HPS5: variants seen among roughly 807,000 people sequenced by gnomAD.
HPS5 encodes BLOC-2 complex member HPS5.
In HPS5, 83 loss-of-function variants were observed where a neutral mutation model predicts 128.0. The observed-to-expected ratio is 0.65, with a 90% CI of 0.54 to 0.78. The LOEUF (loss-of-function observed/expected upper bound fraction) is 0.78, where lower values mean the gene tolerates loss of function less well. HPS5 is among the 30% of genes least tolerant of loss of function. The pLI, the probability that HPS5 is intolerant of heterozygous loss-of-function variation, is 0.00. For missense variants in HPS5, 1,281 were observed against 1,326.2 expected (o/e 0.97, Z 0.53); for synonymous variants, 475 against 470.2 (o/e 1.01, Z -0.13).
rs765365574 is a variant in HPS5 at position 18,287,505 on chromosome 11, G to C, written c.2717+30C>G. ...GAAACAATGCCCTGTCAAAAGAAAG[G>C]AGAGTCTGCAAATATGCTCTCCTTC... On this transcript the variant is annotated intron_variant, in intron 18 of 22. Coordinates refer to ENST00000349215, the MANE Select transcript of HPS5 (RefSeq NM_181507.2). 2.7e-5 allele frequency: 43 copies of C among 1,612,298 alleles called. No individual in the cohort carries two copies. In the Admixed American group the frequency reaches 5.8e-4, roughly 22 times the overall value.
chr11:18,314,549 A>G (rs1863391161), intron 2 of HPS5: 1 of 152,140 alleles, frequency 6.6e-6, no homozygotes, highest in South Asian at 2.1e-4. Flanking sequence ...AAATAAATAA[A>G]TAAATAAATA....
At chr11:18,293,073 G>C in intron 14 of HPS5, 97 bp from the exon 15 acceptor site, 1 of 900,392 alleles carries the variant, frequency 1.1e-6, no homozygotes, top group Admixed American at 1.7e-5. Flanking sequence ...CCAGGCTGCA[G>C]TGCAGTGACG....
chr11:18,312,046 T>A, intron 2 of HPS5, 22 bp from the exon 3 acceptor site: 1 of 1,555,120 alleles, frequency 6.4e-7, no homozygotes, highest in South Asian at 1.1e-5. Context: ...TGAAGAGAAG[T>A]GTGAGATAAT....
At chr11:18,322,146 C>A (rs4150529), upstream of HPS5, 1,140 of 152,500 alleles carry the variant, frequency 7.5e-3, 37 homozygotes, top group East Asian at 0.035. Flanking sequence ...GCACTAAGAG[C>A]GGAACGTGAA....
At chr11:18,290,966 C>T (rs1459228744) in intron 16 of HPS5, among the ~76,000 whole-genome samples, 1 of 152,206 alleles carries the variant, frequency 6.6e-6, no homozygotes, top group Non-Finnish European at 1.5e-5. Context: ...TGCCTGTGAT[C>T]CCAACACTTT....
At chr11:18,314,044 T>TA (rs1863318986) in intron 2 of HPS5, among the ~76,000 whole-genome samples, 1 of 151,508 alleles carries the variant, frequency 6.6e-6, no homozygotes, top group Non-Finnish European at 1.5e-5. Context: ...ACCCTATCTC[T>TA]AAAAAATATA....
chr11:18,315,128 T>C (rs762429753), intron 2 of HPS5, among the ~76,000 whole-genome samples: 4 of 152,200 alleles, frequency 2.6e-5, no homozygotes, highest in Non-Finnish European at 5.9e-5. Context: ...TATAACTACA[T>C]GTTATTCAAA....
At chr11:18,286,537 G>C (rs1859748326) in intron 19 of HPS5, 54 bp downstream of exon 19, 2 of 1,548,324 alleles carry the variant, frequency 1.3e-6, no homozygotes. Context: ...GTGAGATCCT[G>C]TCTCAAAAAA....
Position 18,317,792 on chromosome 11 carries a change from G to C in HPS5, c.67C>G (p.Pro23Ala). 3 of 1,613,738 alleles carry C rather than the reference G, an allele frequency of 1.9e-6. No homozygotes were observed. Among genetic ancestry groups the C allele is most frequent in the Non-Finnish European group, 2.5e-6 (3 of 1,179,798 alleles). The part of the protein sequence containing the change: ...HVLAEFESLD[P>A]LLSALRLDSS... Reference sequence around the variant, plus strand: ...TCCAGCCGCAGGGCTGAGAGTAATGGATCCAGAGATTCAAACTCTGCAAGA... The same window carrying C: ...TCCAGCCGCAGGGCTGAGAGTAATGCATCCAGAGATTCAAACTCTGCAAGA... Residue 23 changes from proline to alanine, a missense_variant, in exon 2 of 23, where the codon CCA (proline) becomes GCA (alanine). Transcript: ENST00000349215.
intron 10 of HPS5, 120 bp downstream of exon 10, chr11:18,298,672 C>T (rs1468465676): frequency 2.2e-6 from 2 of 925,270 alleles, no homozygotes; most frequent in East Asian, 4.8e-5. Context: ...GCATGTATTG[C>T]TGTATCTGTA....
intron 2 of HPS5, 121 bp from the exon 3 acceptor site, chr11:18,312,145 C>A: frequency 1.3e-6 from 1 of 744,862 alleles, no homozygotes; most frequent in East Asian, 2.6e-5. Flanking sequence ...ACCCTCTGCC[C>A]ATATGGACAC....
At chr11:18,298,209 A>G (rs1466243267) in intron 10 of HPS5, among the ~76,000 whole-genome samples, 1 of 152,154 alleles carries the variant, frequency 6.6e-6, no homozygotes, top group South Asian at 2.1e-4. Flanking sequence ...TTAAGAATTT[A>G]AGGCCATGTG....
Position 18,298,890 on chromosome 11 carries a change from A to T in HPS5, c.1066T>A (p.Ser356Thr). 1 of 1,614,122 alleles carries T rather than the reference A, an allele frequency of 6.2e-7. No homozygotes were observed. Among genetic ancestry groups the T allele is most frequent in the South Asian group, 1.1e-5 (1 of 91,086 alleles). The change falls in exon 10 of 23, where the codon TCT becomes ACT. Residue 356 changes from serine to threonine, a missense_variant. Transcript: ENST00000349215. ...NGKVSHLSLI[S>T]VERCVERLLR... ...AGGCGTTCCACACAGCGCTCCACAG[A>T]TATCAGGGAGAGATGTGAGACTTTC... is the stretch of plus-strand genomic sequence containing the variant.
In HPS5 at chr11:18,281,940, C is replaced by T. The variant is rs1193181830; in HGVS notation, c.3329+10G>A. 2 of 1,614,190 alleles carry T rather than the reference C, an allele frequency of 1.2e-6. No individual in the cohort carries two copies. Among genetic ancestry groups the T allele is most frequent in the Admixed American group, 3.3e-5 (2 of 60,016 alleles). ...AGCACTATGCAGAGGGTAGGACAAA[C>T]TGATATTACCTCTGCCTTTTCTCAG... is the stretch of plus-strand genomic sequence containing the variant. On this transcript the variant is annotated intron_variant, in intron 22 of 22. Transcript: ENST00000349215.
chr11:18,291,618 T>C lies in HPS5; in HGVS notation c.2264A>G (p.Lys755Arg), dbSNP rs199752136. 2.0e-5 allele frequency: 33 copies of C among 1,614,208 alleles called. No homozygotes were observed. The highest frequency in any genetic ancestry group is 2.7e-5 in the African/African-American group (2 of 75,060). ...LELNVLNSKI[K>R]STSGHVDHTL... Reference sequence around the variant, plus strand: ...GTGGTCCACATGTCCACTGGTGCTTTTGATCTTAGAATTCAATACATTCAA... The same window carrying C: ...GTGGTCCACATGTCCACTGGTGCTTCTGATCTTAGAATTCAATACATTCAA... Residue 755 changes from lysine to arginine, a missense_variant, in exon 16 of 23, where the codon AAA (lysine) becomes AGA (arginine). Lys to Arg is a conservative substitution (Grantham distance 26). Coordinates refer to ENST00000349215, the MANE Select transcript of HPS5 (RefSeq NM_181507.2).
chr11:18,284,214 C>T (rs1859398980), intron 20 of HPS5, among the ~76,000 whole-genome samples: 2 of 151,500 alleles, frequency 1.3e-5, no homozygotes, highest in Admixed American at 1.3e-4. Flanking sequence ...ACATTTGAGG[C>T]CAAGCTCCAA....
chr11:18,319,829 T>C (rs564430804), intron 1 of HPS5, among the ~76,000 whole-genome samples: 1 of 152,284 alleles, frequency 6.6e-6, no homozygotes, highest in Admixed American at 6.5e-5. Flanking sequence ...ACGTTATTAT[T>C]GGGGAGACTC....
At position 18,287,909 on chromosome 11, in the gene HPS5, C is replaced by T; in HGVS notation, c.2545G>A (p.Val849Ile). The T allele has an allele frequency of 1.2e-6, 2 of 1,614,014 alleles. No individual in the cohort carries two copies. Among genetic ancestry groups the T allele is most frequent in the Non-Finnish European group, 1.7e-6 (2 of 1,179,988 alleles). Residue 849 changes from valine to isoleucine, a missense_variant, in exon 17 of 23, where the codon GTT (valine) becomes ATT (isoleucine). Transcript: ENST00000349215. ...ACAACTTACCGGGTAGCATAAACAA[C>T]CAACAACGGACTATCAAAAGGAACC... is the stretch of plus-strand genomic sequence containing the variant. ...DEVPFDSPLL[V>I]VYATRLYEKF...
intron 18 of HPS5, 193 bp from the exon 19 acceptor site, chr11:18,286,903 C>CAA: frequency 9.6e-5 from 42 of 436,570 alleles, no homozygotes; most frequent in South Asian, 1.6e-4. Flanking sequence ...GTCAAAGGGC[C>CAA]AAAAAAGAAA....
Sources: allele counts gnomAD v4.1 joint callset (sites outside exome capture counted in the v4.1 genomes callset), GRCh38; gene constraint gnomAD v4.1.1; transcripts MANE v1.5; gene names NCBI Gene and HGNC (gene_info 2026-07-23, HGNC 2026-07-21).